The following SLC38A8 variants were observed in gnomAD, a reference collection of about 807,000 sequenced individuals.
The protein encoded by SLC38A8 is solute carrier family 38 member 8.
Under a neutral mutation model 46.0 loss-of-function variants are expected in SLC38A8, and 65 were observed. The ratio of observed to expected loss-of-function variants is 1.41; its 90% CI spans 1.16 to 1.74. SLC38A8 has a LOEUF of 1.74. Among genes scored for constraint, SLC38A8 ranks in the 40% most tolerant of loss-of-function variants. The probability of loss-of-function intolerance (pLI) is 0.00; values close to 1 mark genes in which losing one functional copy is unlikely to be tolerated. For synonymous variants in SLC38A8, 447 were observed against 243.7 expected, an observed-to-expected ratio of 1.83 and a Z score of -7.77; for missense variants, 998 against 567.9, an observed-to-expected ratio of 1.76 and a Z score of -7.70.
intron 4 of SLC38A8, 66 bp from the exon 5 acceptor site, chr16:84,032,034 T>G: frequency 7.3e-7 from 1 of 1,372,016 alleles, no homozygotes; most frequent in Non-Finnish European, 1.0e-6. Flanking sequence ...ACGGGGACAG[T>G]AGTGGGATCT....
At chr16:84,023,578 T>G (rs2085121754) in intron 6 of SLC38A8, among the ~76,000 whole-genome samples, 1 of 151,134 alleles carries the variant, frequency 6.6e-6, no homozygotes, top group African/African-American at 2.5e-5. Context: ...CGAATCTCAG[T>G]CAGAACAATG....
chr16:84,022,256 G>A (rs187374287), intron 7 of SLC38A8, among the ~76,000 whole-genome samples: 8 of 152,338 alleles, frequency 5.3e-5, no homozygotes, highest in Non-Finnish European at 7.3e-5. Context: ...GAAGCCAGCC[G>A]TGCCAGGGAC....
chr16:84,026,678 G>C (rs79362797), intron 6 of SLC38A8, among the ~76,000 whole-genome samples: 74 of 152,344 alleles, frequency 4.9e-4, no homozygotes, highest in African/African-American at 1.6e-3. Flanking sequence ...GCCCATCAAA[G>C]GACAGGGGAT....
chr16:84,023,308 G>T (rs1298120202), intron 6 of SLC38A8, among the ~76,000 whole-genome samples: 4 of 152,150 alleles, frequency 2.6e-5, no homozygotes, highest in African/African-American at 4.8e-5. Flanking sequence ...AAGGGTACAG[G>T]AGCAGGACTT....
chr16:84,017,422 T>C (rs371267338), intron 7 of SLC38A8, 135 bp from the exon 8 acceptor site: 4 of 1,047,264 alleles, frequency 3.8e-6, no homozygotes, highest in African/African-American at 1.6e-5. Context: ...CTGGAAGGGA[T>C]AGCCCAAAGC....
intron 3 of SLC38A8, among the ~76,000 whole-genome samples, chr16:84,034,021 G>T (rs999074688): frequency 1.2e-4 from 19 of 152,196 alleles, no homozygotes; most frequent in Admixed American, 2.6e-4. Context: ...ATATAGAATT[G>T]GCTGAGGTTG....
Position 84,017,245 on chromosome 16 carries a change from T to G in SLC38A8, c.848A>C (p.Asp283Ala), listed in dbSNP as rs139373929. Reference sequence around the variant, plus strand: ...ATTGCCTGGGTAGGACATCAAGACGTCAGCAGAAACTTCTGTCCCAAAAGT... The same window carrying G: ...ATTGCCTGGGTAGGACATCAAGACGGCAGCAGAAACTTCTGTCCCAAAAGT... ...FLTFGTEVSA[D>A]VLMSYPGNDM... The change falls in exon 8 of 11, where the codon GAC becomes GCC. Residue 283 changes from aspartate (D) to alanine (A), a missense_variant. Asp to Ala is a moderately radical substitution (Grantham distance 126). Coordinates refer to ENST00000299709, the MANE Select transcript of SLC38A8 (RefSeq NM_001080442.3). 1.8e-4 allele frequency: 291 copies of G among 1,613,852 alleles called. 4 individuals carry two copies. Among genetic ancestry groups the G allele is most frequent in the Non-Finnish European group, 2.9e-5 (34 of 1,180,002 alleles).
chr16:84,021,068 G>A (rs67595835), intron 7 of SLC38A8, among the ~76,000 whole-genome samples: 1 of 151,512 alleles, frequency 6.6e-6, no homozygotes, highest in Admixed American at 6.6e-5. Context: ...CTTTTTTGCC[G>A]GCAGGGGAGG....
intron 7 of SLC38A8, among the ~76,000 whole-genome samples, chr16:84,019,679 C>A (rs1320418286): frequency 1.3e-5 from 2 of 152,220 alleles, no homozygotes; most frequent in African/African-American, 4.8e-5. Context: ...TTCGCTCCAG[C>A]ACCAACTCAG....
chr16:84,036,619 C>G, intron 3 of SLC38A8, 83 bp downstream of exon 3: 1 of 1,498,556 alleles, frequency 6.7e-7, no homozygotes, highest in South Asian at 1.2e-5. Context: ...GCCAGGGCCC[C>G]ACGTCCTGCT....
At chr16:84,036,929 G>C in intron 2 of SLC38A8, 29 bp from the exon 3 acceptor site, 1 of 1,583,514 alleles carries the variant, frequency 6.3e-7, no homozygotes, top group Non-Finnish European at 8.6e-7. Flanking sequence ...ACCTGGAACT[G>C]GGGTGTGCCC....
At position 84,036,699 on chromosome 16, in the gene SLC38A8, T is replaced by A. The variant is rs2085303000; in HGVS notation, c.388+3A>T. 6.2e-7 allele frequency: 1 copy of A among 1,613,932 alleles called. No homozygotes were observed. Among genetic ancestry groups the A allele is most frequent in the Non-Finnish European group, 8.5e-7 (1 of 1,180,022 alleles). On this transcript the variant is annotated splice_donor_region_variant and intron_variant, in intron 3 of 10. Coordinates refer to ENST00000299709, the MANE Select transcript of SLC38A8 (RefSeq NM_001080442.3). The stretch of plus-strand genomic sequence containing the variant: ...CCACCCCGAGTCCCATGAAGGTACT[T>A]ACGCTTCTCCAGCTGGTCCCCGATC...
At chr16:84,032,731 T>C (rs2085257003) in intron 4 of SLC38A8, among the ~76,000 whole-genome samples, 1 of 152,306 alleles carries the variant, frequency 6.6e-6, no homozygotes, top group East Asian at 1.9e-4. Flanking sequence ...ATGTCTATTG[T>C]TCATACACAA....
At chr16:84,018,523 C>T (rs2085058449) in intron 7 of SLC38A8, among the ~76,000 whole-genome samples, 1 of 151,982 alleles carries the variant, frequency 6.6e-6, no homozygotes, top group Admixed American at 6.6e-5. Context: ...CTGGCCTGGC[C>T]CATTCCCTCT....
intron 6 of SLC38A8, 67 bp downstream of exon 6, chr16:84,029,427 A>C: frequency 5.1e-6 from 8 of 1,559,388 alleles, no homozygotes; most frequent in Non-Finnish European, 6.2e-6. Context: ...AAGGTTTCCC[A>C]AGGGAGCAGA....
rs2085131266 is a variant in SLC38A8 at position 84,024,125 on chromosome 16, C to G, written c.691-1236G>C. On this transcript the variant is annotated intron_variant, in intron 6 of 10. Coordinates refer to ENST00000299709, the MANE Select transcript of SLC38A8 (RefSeq NM_001080442.3). The stretch of plus-strand genomic sequence containing the variant: ...GCCCCCCTCCCCCAAGTTGTGACAA[C>G]CCAAAATGTCTGCAGACATGGTCAA... 3.3e-5 allele frequency among the ~76,000 whole-genome samples: 5 copies of G among 152,230 alleles called. No homozygotes were observed. In the South Asian group the frequency reaches 1.0e-3, roughly 32 times the overall value.
intron 6 of SLC38A8, among the ~76,000 whole-genome samples, chr16:84,023,881 G>A (rs1028199359): frequency 5.3e-5 from 8 of 152,316 alleles, no homozygotes; most frequent in Non-Finnish European, 1.5e-5. Flanking sequence ...AAGACACAGT[G>A]ACACTGTGTC....
chr16:84,027,089 C>T (rs1047815091), intron 6 of SLC38A8, among the ~76,000 whole-genome samples: 15 of 152,162 alleles, frequency 9.9e-5, no homozygotes, highest in South Asian at 2.1e-4. Context: ...CAGTGGCTCA[C>T]GCCTGTAATC....
At chr16:84,031,797 G>C in intron 5 of SLC38A8, 70 bp downstream of exon 5, 3 of 1,321,320 alleles carry the variant, frequency 2.3e-6, no homozygotes, top group Non-Finnish European at 3.3e-6. Context: ...CCTCCTCCAA[G>C]ACTCCCCTCA....
Sources: allele counts gnomAD v4.1 joint callset (sites outside exome capture counted in the v4.1 genomes callset), GRCh38; gene constraint gnomAD v4.1.1; transcripts MANE v1.5; gene names NCBI Gene and HGNC (gene_info 2026-07-23, HGNC 2026-07-21).